The following LDB2 variants were observed in gnomAD, a reference collection of about 807,000 sequenced individuals.
LDB2 encodes LIM domain binding 2.
Under a neutral mutation model 44.3 loss-of-function variants are expected in LDB2, and 12 were observed. That is an observed-to-expected ratio of 0.27 (90% CI 0.17 to 0.44). LDB2 has a LOEUF of 0.44. Ranked by LOEUF, LDB2 falls within the 20% of genes least tolerant of loss-of-function variation. The pLI is 1.00. For missense variants in LDB2, 344 were observed against 473.5 expected, an observed-to-expected ratio of 0.73 and a Z score of 2.54; for synonymous variants, 164 against 174.8, an observed-to-expected ratio of 0.94 and a Z score of 0.49.
rs534749087 is a variant in LDB2 at position 16,755,966 on chromosome 4, A to G, written c.235+3192T>C. Reference sequence around the variant, plus strand: ...AACATCAGTAGCTTCCACCTGCCCAATCATATCTCACCTGGGCGGACACAC... The same window carrying G: ...AACATCAGTAGCTTCCACCTGCCCAGTCATATCTCACCTGGGCGGACACAC... On this transcript the variant is annotated intron_variant, in intron 2 of 7. Transcript: ENST00000304523. 3.5e-4 allele frequency among the ~76,000 whole-genome samples: 54 copies of G among 152,302 alleles called. 1 individual carries two copies. The highest frequency in any genetic ancestry group is 1.4e-3 in the Admixed American group (21 of 15,302).
At chr4:16,785,456 C>T (rs558407084) in intron 1 of LDB2, among the ~76,000 whole-genome samples, 1 of 152,298 alleles carries the variant, frequency 6.6e-6, no homozygotes, top group Admixed American at 6.5e-5. Flanking sequence ...GGATGCATCA[C>T]TGTAATGAGC....
chr4:16,653,698 T>C (rs891595605), intron 2 of LDB2: 5 of 152,134 alleles, frequency 3.3e-5, no homozygotes, highest in Non-Finnish European at 7.3e-5. Context: ...AAGCAAACTA[T>C]AAAATTAAGT....
intron 5 of LDB2, among the ~76,000 whole-genome samples, chr4:16,561,905 A>G (rs1415360381): frequency 6.6e-6 from 1 of 152,198 alleles, no homozygotes; most frequent in Non-Finnish European, 1.5e-5. Context: ...AGCCCTCAGA[A>G]ATAACGCCAC....
At chr4:16,701,425 T>C (rs60222977) in intron 2 of LDB2, among the ~76,000 whole-genome samples, 97 of 152,336 alleles carry the variant, frequency 6.4e-4, no homozygotes, top group African/African-American at 2.2e-3. Flanking sequence ...CTCAACATCA[T>C]AGTTGTTTCC....
At chr4:16,719,379 T>C (rs966536470) in intron 2 of LDB2, among the ~76,000 whole-genome samples, 8 of 152,152 alleles carry the variant, frequency 5.3e-5, no homozygotes, top group African/African-American at 1.9e-4. Context: ...ATAAGATCAA[T>C]GTAGTCAGTC....
intron 5 of LDB2, among the ~76,000 whole-genome samples, chr4:16,548,405 A>C (rs1406311621): frequency 6.6e-6 from 1 of 151,410 alleles, no homozygotes; most frequent in East Asian, 1.9e-4. Context: ...TCCTCCTCCC[A>C]CCTTTCTCCT....
At chr4:16,511,351 G>A (rs1302186088) in intron 6 of LDB2, among the ~76,000 whole-genome samples, 2 of 152,144 alleles carry the variant, frequency 1.3e-5, no homozygotes, top group Non-Finnish European at 2.9e-5. Flanking sequence ...AACCCCAGCA[G>A]GAGACTATAG....
chr4:16,584,290 G>C (rs1478665752), intron 5 of LDB2, among the ~76,000 whole-genome samples: 5 of 152,182 alleles, frequency 3.3e-5, no homozygotes, highest in African/African-American at 1.2e-4. Context: ...GTGAATGAAG[G>C]CTTACTGATA....
intron 2 of LDB2, among the ~76,000 whole-genome samples, chr4:16,599,346 T>C (rs937624172): frequency 5.3e-5 from 8 of 152,104 alleles, no homozygotes; most frequent in African/African-American, 1.9e-4. Flanking sequence ...TCAAAACTCA[T>C]AGTGGGAAGT....
chr4:16,829,631 G>A (rs114488451), intron 1 of LDB2, among the ~76,000 whole-genome samples: 80 of 152,216 alleles, frequency 5.3e-4, no homozygotes, highest in Non-Finnish European at 9.9e-4. Flanking sequence ...TGAAATTACC[G>A]TAGTAATATA....
At chr4:16,727,670 C>T (rs1180243072) in intron 2 of LDB2, among the ~76,000 whole-genome samples, 2 of 152,124 alleles carry the variant, frequency 1.3e-5, no homozygotes, top group East Asian at 3.9e-4. Context: ...TATCAATAGC[C>T]AGTGTTTATT....
At chr4:16,893,653 A>G (rs1171145433) in intron 1 of LDB2, among the ~76,000 whole-genome samples, 8 of 152,104 alleles carry the variant, frequency 5.3e-5, no homozygotes, top group African/African-American at 1.9e-4. Flanking sequence ...ATTCTATAAA[A>G]TCCTTGTGCG....
chr4:16,670,540 T>C (rs748074349), intron 2 of LDB2, among the ~76,000 whole-genome samples: 3 of 152,172 alleles, frequency 2.0e-5, no homozygotes, highest in Non-Finnish European at 4.4e-5. Context: ...AATAGTTAAG[T>C]TCCAAAGTTT....
rs1169491759 is a variant in LDB2, at chr4:16,563,429, A to ATTTTTTTTT, written c.615+22484_615+22492dup. Reference sequence around the variant, plus strand: ...TCAAAACCATCTCATCAGTCATCAGATTTTTTTTTTTTTTTTTTTTTTTTT... The same window carrying ATTTTTTTTT: ...TCAAAACCATCTCATCAGTCATCAGATTTTTTTTTTTTTTTTTTTTTTTTTTTTTTTTTT... On this transcript the variant is annotated intron_variant, in intron 5 of 7. Coordinates refer to ENST00000304523, the MANE Select transcript of LDB2 (RefSeq NM_001290.5). Among the ~76,000 whole-genome samples the ATTTTTTTTT allele has an allele frequency of 3.4e-4, 16 of 46,574 alleles. 5 individuals are homozygous for ATTTTTTTTT. The highest frequency in any genetic ancestry group is 2.5e-3 in the South Asian group (3 of 1,214). 30.6% of individuals were successfully genotyped at this position (46,574 alleles called of 152,430 possible).
At chr4:16,529,181 G>T (rs1018529340) in intron 5 of LDB2, among the ~76,000 whole-genome samples, 2 of 152,160 alleles carry the variant, frequency 1.3e-5, no homozygotes, top group Non-Finnish European at 2.9e-5. Context: ...GCCCAAGGAT[G>T]CAGCTTTTTG....
At chr4:16,563,504 A>G (rs962799108) in intron 5 of LDB2, among the ~76,000 whole-genome samples, 1 of 118,002 alleles carries the variant, frequency 8.5e-6, no homozygotes, top group Non-Finnish European at 1.6e-5. Context: ...GCTGGAGTGC[A>G]GTGGCACGAT....
rs370368723 is a variant in LDB2, at chr4:16,615,316, T to C, written c.236-19441A>G. 3.3e-5 allele frequency among the ~76,000 whole-genome samples: 5 copies of C among 152,276 alleles called. No homozygotes were observed. The East Asian group carries it at 9.7e-4, about 29-fold the overall frequency. The stretch of plus-strand genomic sequence containing the variant: ...AAGACACATGTACACATATGTTTAT[T>C]GCAGCACTATTTACAATGGCAAAGA... On this transcript the variant is annotated intron_variant, in intron 2 of 7. Transcript: ENST00000304523.
chr4:16,801,384 C>T (rs1219958412), intron 1 of LDB2, among the ~76,000 whole-genome samples: 4 of 152,088 alleles, frequency 2.6e-5, no homozygotes, highest in African/African-American at 4.8e-5. Context: ...GGGTGTGGTA[C>T]ACAGTGAGAC....
At chr4:16,733,165 C>A (rs1047719515) in intron 2 of LDB2, among the ~76,000 whole-genome samples, 2 of 152,160 alleles carry the variant, frequency 1.3e-5, no homozygotes, top group Non-Finnish European at 2.9e-5. Context: ...GGTGAGGCTG[C>A]CTACTACCTT....
Sources: allele counts gnomAD v4.1 joint callset (sites outside exome capture counted in the v4.1 genomes callset), GRCh38; gene constraint gnomAD v4.1.1; transcripts MANE v1.5; gene names NCBI Gene and HGNC (gene_info 2026-07-23, HGNC 2026-07-21).